ESRRG: variants seen among roughly 807,000 people sequenced by gnomAD.
ESRRG encodes estrogen-related receptor gamma.
ESRRG carries 13 observed loss-of-function variants against 44.0 expected under a neutral mutation model. The observed-to-expected ratio is 0.30, with a 90% CI of 0.19 to 0.47. The LOEUF (loss-of-function observed/expected upper bound fraction) is 0.47. Among genes scored for constraint, ESRRG ranks in the 20% least tolerant of loss-of-function variants. ESRRG has a pLI of 1.00. For synonymous variants in ESRRG, 215 were observed against 214.6 expected, an observed-to-expected ratio of 1.00 and a Z score of -0.02; for missense variants, 395 against 580.6, an observed-to-expected ratio of 0.68 and a Z score of 3.29.
At chr1:217,105,228 A>C (rs1442455987) in intron 1 of ESRRG, among the ~76,000 whole-genome samples, 1 of 152,166 alleles carries the variant, frequency 6.6e-6, no homozygotes, top group Non-Finnish European at 1.5e-5. Context: ...TTACTTCTGT[A>C]TCAAATCCCC....
chr1:217,040,861 T>C (rs2083739724), intron 1 of ESRRG, among the ~76,000 whole-genome samples: 3 of 152,160 alleles, frequency 2.0e-5, no homozygotes, highest in Admixed American at 2.0e-4. Flanking sequence ...GGCCTACTAC[T>C]CCACTCAACA....
intron 2 of ESRRG, among the ~76,000 whole-genome samples, chr1:216,804,155 G>A (rs1052859645): frequency 3.9e-5 from 6 of 152,114 alleles, no homozygotes; most frequent in African/African-American, 1.4e-4. Context: ...TCTCAGCCCT[G>A]TGACAATTTA....
intron 2 of ESRRG, among the ~76,000 whole-genome samples, chr1:216,827,632 T>C (rs1257951490): frequency 6.6e-6 from 1 of 152,222 alleles, no homozygotes; most frequent in African/African-American, 2.4e-5. Context: ...ACCTCTTAAA[T>C]TGACAGTTTG....
intron 2 of ESRRG, among the ~76,000 whole-genome samples, chr1:216,868,887 G>C (rs758959107): frequency 1.3e-5 from 2 of 152,010 alleles, no homozygotes; most frequent in Non-Finnish European, 2.9e-5. Context: ...GTCTGTTCAA[G>C]TCTTTTGCAC....
At chr1:216,852,805 C>A (rs2095861992) in intron 2 of ESRRG, among the ~76,000 whole-genome samples, 1 of 152,144 alleles carries the variant, frequency 6.6e-6, no homozygotes, top group Non-Finnish European at 1.5e-5. Context: ...ACTCATCCTA[C>A]CTTATCTTCT....
At chr1:216,779,146 TTATA>T (rs200694503) in intron 2 of ESRRG, among the ~76,000 whole-genome samples, 2 of 108,532 alleles carry the variant, frequency 1.8e-5, no homozygotes, top group African/African-American at 3.8e-5. Flanking sequence ...AAATATATAT[TTATA>T]TATATATAAA....
intron 5 of ESRRG, among the ~76,000 whole-genome samples, chr1:216,529,417 T>A (rs574484877): frequency 6.6e-6 from 1 of 152,168 alleles, no homozygotes. Flanking sequence ...CACAAGCAGA[T>A]GAATTTTGTG....
chr1:216,835,859 C>A (rs1045363744), intron 2 of ESRRG, among the ~76,000 whole-genome samples: 3 of 152,018 alleles, frequency 2.0e-5, no homozygotes, highest in African/African-American at 4.8e-5. Flanking sequence ...TTAGCTAAAG[C>A]GATTTTTTAA....
intron 1 of ESRRG, among the ~76,000 whole-genome samples, chr1:216,972,536 G>A (rs2071903332): frequency 6.6e-6 from 1 of 152,176 alleles, no homozygotes; most frequent in Non-Finnish European, 1.5e-5. Flanking sequence ...GCATCTAACA[G>A]TATTAGGAAT....
intron 2 of ESRRG, among the ~76,000 whole-genome samples, chr1:216,668,029 G>A (rs1028558695): frequency 7.9e-5 from 12 of 151,724 alleles, no homozygotes; most frequent in East Asian, 3.9e-4. Flanking sequence ...CTCAGGAGGC[G>A]GAGGTTGCAG....
chr1:216,919,321 G>A (rs904577249), intron 2 of ESRRG, among the ~76,000 whole-genome samples: 1 of 152,136 alleles, frequency 6.6e-6, no homozygotes, highest in Non-Finnish European at 1.5e-5. Context: ...TGTCATCCAT[G>A]TGGCACGGAT....
intron 1 of ESRRG, among the ~76,000 whole-genome samples, chr1:217,046,594 G>A (rs1304916754): frequency 6.6e-6 from 1 of 152,084 alleles, no homozygotes. Flanking sequence ...ACACAGAATG[G>A]GATAAGAATG....
chr1:216,672,837 A>G (rs2075441261), intron 2 of ESRRG, among the ~76,000 whole-genome samples: 1 of 152,196 alleles, frequency 6.6e-6, no homozygotes, highest in Non-Finnish European at 1.5e-5. Flanking sequence ...ACTGTACAAC[A>G]GCCTGGGCAA....
intron 3 of ESRRG, among the ~76,000 whole-genome samples, chr1:216,580,785 A>G (rs2062621163): frequency 1.3e-5 from 2 of 152,224 alleles, no homozygotes; most frequent in Admixed American, 6.5e-5. Flanking sequence ...GGAAACATCA[A>G]CATACTTCAT....
intron 3 of ESRRG, among the ~76,000 whole-genome samples, chr1:216,597,912 C>T (rs1479067892): frequency 6.6e-6 from 1 of 152,190 alleles, no homozygotes; most frequent in Non-Finnish European, 1.5e-5. Context: ...ATTCAACCTA[C>T]AGTGTGAAGG....
At chr1:216,808,715 T>C (rs1408452383) in intron 2 of ESRRG, among the ~76,000 whole-genome samples, 1 of 152,148 alleles carries the variant, frequency 6.6e-6, no homozygotes, top group Non-Finnish European at 1.5e-5. Flanking sequence ...TGAACCACCA[T>C]GCCTGGCCTG....
intron 2 of ESRRG, among the ~76,000 whole-genome samples, chr1:216,743,920 C>A (rs2091063666): frequency 1.3e-5 from 2 of 152,138 alleles, no homozygotes; most frequent in South Asian, 4.2e-4. Context: ...TAATTCTAAT[C>A]CTGCTTACGG....
rs2040939523 is a variant in ESRRG, at chr1:216,504,876, A to G, written c.*2063T>C. ...GAGTTTCAATCTCTTAATTATTATT[A>G]GGAAGAACCTTATTACTGGTAAGGA... On this transcript the variant is annotated 3_prime_UTR_variant, in exon 7 of 7. Coordinates refer to ENST00000408911, the MANE Select transcript of ESRRG (RefSeq NM_001438.4). 1 of 152,618 alleles carries G rather than the reference A, an allele frequency of 6.6e-6. No homozygotes were observed. The highest frequency in any genetic ancestry group is 1.9e-4 in the East Asian group (1 of 5,200). 9.5% of individuals were successfully genotyped at this position (152,618 alleles called of 1,614,324 possible). A position where few individuals can be genotyped will look rare whatever the true frequency, so the allele number is the denominator to read the frequency against.
rs766139228 is a variant in ESRRG at position 216,820,974 on chromosome 1, A to G, written c.-14+118608T>C. Reference sequence around the variant, plus strand: ...TTGTGGACTGATCATATTTTATTGGACTTTTTGAAAATATTTCTAGAACAG... The same window carrying G: ...TTGTGGACTGATCATATTTTATTGGGCTTTTTGAAAATATTTCTAGAACAG... On this transcript the variant is annotated intron_variant, in intron 2 of 7. Transcript: ENST00000359162. 2.7e-4 allele frequency among the ~76,000 whole-genome samples: 41 copies of G among 152,204 alleles called. No individual in the cohort carries two copies. The Middle Eastern group carries it at 0.01, about 38-fold the overall frequency.
Sources: allele counts gnomAD v4.1 joint callset (sites outside exome capture counted in the v4.1 genomes callset), GRCh38; gene constraint gnomAD v4.1.1; transcripts MANE v1.5; gene names NCBI Gene and HGNC (gene_info 2026-07-23, HGNC 2026-07-21).